Variants in NRG3 observed in about 807,000 individuals in gnomAD.
The protein encoded by NRG3 is neuregulin 3, also known as pro-neuregulin-3, membrane-bound isoform.
Under a neutral mutation model 66.9 loss-of-function variants are expected in NRG3, and 31 were observed. The ratio of observed to expected loss-of-function variants is 0.46; its 90% CI spans 0.35 to 0.63. The LOEUF (loss-of-function observed/expected upper bound fraction) is 0.63. Ranked by LOEUF, NRG3 falls within the 20% of genes least tolerant of loss-of-function variation. The pLI, the probability that NRG3 is intolerant of heterozygous loss-of-function variation, is 0.00. For synonymous variants in NRG3, 393 were observed against 359.4 expected (o/e 1.09, Z -1.06); for missense variants, 910 against 878.9 (o/e 1.04, Z -0.45).
At chr10:82,021,191 C>T (rs1486147604) in intron 1 of NRG3, among the ~76,000 whole-genome samples, 1 of 151,992 alleles carries the variant, frequency 6.6e-6, no homozygotes, top group Non-Finnish European at 1.5e-5. Context: ...CAGGGCATTT[C>T]CAATCGATTT....
intron 1 of NRG3, among the ~76,000 whole-genome samples, chr10:82,255,816 G>A (rs189013765): frequency 2.3e-4 from 35 of 151,918 alleles, no homozygotes; most frequent in African/African-American, 7.2e-4. Context: ...GTCATCCAGG[G>A]TGGTCTCAAA....
At chr10:82,312,126 C>T (rs932605585) in intron 1 of NRG3, among the ~76,000 whole-genome samples, 1 of 152,136 alleles carries the variant, frequency 6.6e-6, no homozygotes, top group African/African-American at 2.4e-5. Flanking sequence ...TGATTTTCTT[C>T]TACCTGAATA....
At chr10:82,201,874 G>GTT (rs2074845408) in intron 1 of NRG3, among the ~76,000 whole-genome samples, 1 of 152,082 alleles carries the variant, frequency 6.6e-6, no homozygotes, top group African/African-American at 2.4e-5. Flanking sequence ...TGTCTAGTAT[G>GTT]TAAGAAATTA....
chr10:82,984,048 C>G (rs761895376), intron 8 of NRG3, among the ~76,000 whole-genome samples: 6 of 152,014 alleles, frequency 3.9e-5, no homozygotes, highest in Non-Finnish European at 5.9e-5. Context: ...TAATGGCAGT[C>G]GAGGAAAGGA....
At chr10:82,529,814 A>C (rs1349019281) in intron 2 of NRG3, among the ~76,000 whole-genome samples, 1 of 152,162 alleles carries the variant, frequency 6.6e-6, no homozygotes, top group Non-Finnish European at 1.5e-5. Flanking sequence ...TACAGCTCTG[A>C]AGTGTGACTA....
chr10:82,210,305 T>C (rs1396205492), intron 1 of NRG3, among the ~76,000 whole-genome samples: 1 of 152,148 alleles, frequency 6.6e-6, no homozygotes, highest in Non-Finnish European at 1.5e-5. Context: ...CTCACAGATA[T>C]TATTTGAAGT....
chr10:82,386,928 TA>T (rs2086037026), intron 2 of NRG3, among the ~76,000 whole-genome samples: 1 of 152,086 alleles, frequency 6.6e-6, no homozygotes, highest in African/African-American at 2.4e-5. Flanking sequence ...GCCTCTGGAG[TA>T]GCTGGGTTTA....
At chr10:82,769,158 C>T (rs1210552709) in intron 3 of NRG3, among the ~76,000 whole-genome samples, 4 of 152,036 alleles carry the variant, frequency 2.6e-5, no homozygotes, top group African/African-American at 7.2e-5. Context: ...GTTATCATTA[C>T]CAACCTATAT....
At chr10:81,891,681 G>C (rs1843023128) in intron 1 of NRG3, among the ~76,000 whole-genome samples, 1 of 152,154 alleles carries the variant, frequency 6.6e-6, no homozygotes. Context: ...TGGGATAGTG[G>C]TTTTTGAAAG....
intron 1 of NRG3, among the ~76,000 whole-genome samples, chr10:82,068,064 G>T (rs574888769): frequency 6.6e-6 from 1 of 152,036 alleles, no homozygotes; most frequent in African/African-American, 2.4e-5. Context: ...TGTTTCCTGC[G>T]TCGAAGAATG....
intron 2 of NRG3, among the ~76,000 whole-genome samples, chr10:82,693,203 A>G (rs981690142): frequency 3.3e-5 from 5 of 152,114 alleles, no homozygotes; most frequent in East Asian, 3.9e-4. Flanking sequence ...ATTTTTTTCA[A>G]TCTCCCTAAG....
At chr10:82,219,751 T>C (rs1272977389) in intron 1 of NRG3, among the ~76,000 whole-genome samples, 3 of 152,180 alleles carry the variant, frequency 2.0e-5, no homozygotes, top group African/African-American at 7.2e-5. Context: ...TTCTCAATAG[T>C]CTTATTATTC....
At chr10:82,039,301 T>C (rs2062926192) in intron 1 of NRG3, among the ~76,000 whole-genome samples, 1 of 152,120 alleles carries the variant, frequency 6.6e-6, no homozygotes, top group South Asian at 2.1e-4. Context: ...AGCAACATTT[T>C]TTAAATTAAA....
At chr10:82,448,024 C>T (rs1034709232) in intron 2 of NRG3, among the ~76,000 whole-genome samples, 6 of 152,010 alleles carry the variant, frequency 3.9e-5, no homozygotes, top group East Asian at 1.9e-4. Flanking sequence ...GGGATGGTGA[C>T]GAGAACATTG....
At chr10:82,854,746 G>A (rs576664555) in intron 3 of NRG3, among the ~76,000 whole-genome samples, 1 of 152,184 alleles carries the variant, frequency 6.6e-6, no homozygotes, top group Non-Finnish European at 1.5e-5. Flanking sequence ...GATGGTATCA[G>A]TTGCTGCCTA....
intron 1 of NRG3, among the ~76,000 whole-genome samples, chr10:82,205,566 A>T (rs1278279050): frequency 6.6e-6 from 1 of 152,180 alleles, no homozygotes; most frequent in Non-Finnish European, 1.5e-5. Context: ...AAAAGAAGAC[A>T]TGGACAGAAG....
chr10:82,810,113 A>C (rs2061431434), intron 3 of NRG3, among the ~76,000 whole-genome samples: 1 of 152,122 alleles, frequency 6.6e-6, no homozygotes, highest in Non-Finnish European at 1.5e-5. Flanking sequence ...CTCCCAGTTT[A>C]TGGCTTGCCC....
chr10:81,893,327 T>A (rs988533826), intron 1 of NRG3, among the ~76,000 whole-genome samples: 6 of 152,214 alleles, frequency 3.9e-5, no homozygotes, highest in African/African-American at 1.4e-4. Context: ...GGTTCTGTGA[T>A]GATGTATATT....
intron 1 of NRG3, among the ~76,000 whole-genome samples, chr10:82,296,429 G>T (rs557006119): frequency 4.6e-5 from 7 of 152,298 alleles, no homozygotes; most frequent in African/African-American, 1.7e-4. Flanking sequence ...TGAGAGAAGA[G>T]ATATTCACGG....
Sources: allele counts gnomAD v4.1 joint callset (sites outside exome capture counted in the v4.1 genomes callset), GRCh38; gene constraint gnomAD v4.1.1; transcripts MANE v1.5; gene names NCBI Gene and HGNC (gene_info 2026-07-23, HGNC 2026-07-21).